Variants in RBM33 observed in about 807,000 individuals in gnomAD.
RBM33 encodes the protein RNA-binding protein 33.
In RBM33, 28 loss-of-function variants were observed where a neutral mutation model predicts 132.6. The observed-to-expected ratio is 0.21, with a 90% CI of 0.16 to 0.29. RBM33 has a LOEUF of 0.29. RBM33 is among the 10% of genes least tolerant of loss of function. The probability of loss-of-function intolerance (pLI) is 1.00; values close to 1 mark genes in which losing one functional copy is unlikely to be tolerated. For missense variants in RBM33, 1,291 were observed against 1,518.5 expected, an observed-to-expected ratio of 0.85 and a Z score of 2.49; for synonymous variants, 634 against 593.0, an observed-to-expected ratio of 1.07 and a Z score of -1.01.
At chr7:155,686,485 T>C (rs989399356) in intron 5 of RBM33, among the ~76,000 whole-genome samples, 5 of 152,124 alleles carry the variant, frequency 3.3e-5, no homozygotes, top group Non-Finnish European at 5.9e-5. Flanking sequence ...TTTTCTTTTT[T>C]TTTTTAAATT....
chr7:155,710,332 A>G (rs753926448), intron 7 of RBM33, among the ~76,000 whole-genome samples: 7 of 152,152 alleles, frequency 4.6e-5, no homozygotes, highest in Non-Finnish European at 1.0e-4. Flanking sequence ...TTGTAAAAGG[A>G]GGTCAGTAAA....
At chr7:155,750,588 G>A (rs564760626) in intron 14 of RBM33, among the ~76,000 whole-genome samples, 1 of 152,268 alleles carries the variant, frequency 6.6e-6, no homozygotes, top group East Asian at 1.9e-4. Flanking sequence ...TTCCTCATCA[G>A]TACAATGAGA....
At chr7:155,740,966 T>C (rs1801312539) in intron 12 of RBM33, among the ~76,000 whole-genome samples, 1 of 152,218 alleles carries the variant, frequency 6.6e-6, no homozygotes, top group Non-Finnish European at 1.5e-5. Flanking sequence ...TTTGGTATTG[T>C]CTTCTTTTCA....
intron 14 of RBM33, among the ~76,000 whole-genome samples, chr7:155,759,536 G>C (rs1724352685): frequency 6.7e-6 from 1 of 150,178 alleles, no homozygotes; most frequent in Non-Finnish European, 1.5e-5. Context: ...TCCTGCCTCA[G>C]CCTCCTGAGT....
chr7:155,744,632 T>C (rs1347758275), intron 13 of RBM33, among the ~76,000 whole-genome samples: 1 of 152,262 alleles, frequency 6.6e-6, no homozygotes, highest in African/African-American at 2.4e-5. Flanking sequence ...ACAGCAGGCC[T>C]CCCTACTGCT....
At chr7:155,652,494 G>T (rs1038814152) in intron 1 of RBM33, among the ~76,000 whole-genome samples, 1 of 152,204 alleles carries the variant, frequency 6.6e-6, no homozygotes, top group South Asian at 2.1e-4. Flanking sequence ...CAAGCTAATA[G>T]TCTATGTGGT....
At chr7:155,698,239 C>T (rs145920595) in intron 5 of RBM33, among the ~76,000 whole-genome samples, 95 of 152,106 alleles carry the variant, frequency 6.2e-4, no homozygotes, top group African/African-American at 2.1e-3. Flanking sequence ...TGGTGGTGGA[C>T]GCCTGTGATC....
In RBM33 at chr7:155,690,696, G is replaced by A. The variant is rs184445241; in HGVS notation, c.567+9788G>A. 4.3e-4 allele frequency among the ~76,000 whole-genome samples: 66 copies of A among 152,268 alleles called. 2 individuals carry two copies. In the Middle Eastern group the frequency reaches 0.041, roughly 94 times the overall value. The stretch of plus-strand genomic sequence containing the variant: ...AAAATCTCTGAGCATTTGCTTGTCT[G>A]TAAAGAATTTTATTTCTCCTTCACT... On this transcript the variant is annotated intron_variant, in intron 5 of 17. Transcript: ENST00000401878.
intron 16 of RBM33, among the ~76,000 whole-genome samples, chr7:155,773,568 CAAAAAAAAAAAAAAAAAAAA>C (rs201127157): frequency 2.0e-5 from 1 of 50,458 alleles, no homozygotes; most frequent in Non-Finnish European, 3.5e-5. Flanking sequence ...ACTCCATCTC[CAAAAAAAAAAAAAAAAAAAA>C]AAAAAAAGGA....
At chr7:155,694,515 A>G (rs1799738311) in intron 5 of RBM33, among the ~76,000 whole-genome samples, 1 of 152,238 alleles carries the variant, frequency 6.6e-6, no homozygotes, top group Non-Finnish European at 1.5e-5. Flanking sequence ...AAGTTTTGAT[A>G]CATGTATACA....
chr7:155,759,415 C>CTTTTTTTTT (rs58449648), intron 14 of RBM33, among the ~76,000 whole-genome samples: 78 of 113,986 alleles, frequency 6.8e-4, no homozygotes, highest in Non-Finnish European at 8.8e-4. Context: ...TGTTTATGTT[C>CTTTTTTTTT]TTTTTTTTTT....
intron 3 of RBM33, among the ~76,000 whole-genome samples, chr7:155,673,949 T>TTTTTTTTTTTG (rs1799097653): frequency 9.4e-6 from 1 of 106,512 alleles, no homozygotes; most frequent in Non-Finnish European, 2.0e-5. Context: ...AGTTTTTTTT[T>TTTTTTTTTTTG]TTTTTTTTTT....
At chr7:155,671,707 G>A (rs879727484) in intron 2 of RBM33, among the ~76,000 whole-genome samples, 18 of 152,098 alleles carry the variant, frequency 1.2e-4, no homozygotes, top group Admixed American at 1.2e-3. Flanking sequence ...TAACAATATC[G>A]ATGCAGTTAA....
intron 3 of RBM33, among the ~76,000 whole-genome samples, chr7:155,673,760 G>A (rs562494730): frequency 4.2e-4 from 13 of 30,898 alleles, no homozygotes; most frequent in South Asian, 3.7e-3. Context: ...ATATACGCGC[G>A]CATGCGCGCA....
chr7:155,780,137 C>T lies in RBM33; in HGVS notation c.*5096C>T, dbSNP rs1262759155. On this transcript the variant is annotated 3_prime_UTR_variant, in exon 18 of 18. Coordinates refer to ENST00000401878, the MANE Select transcript of RBM33 (RefSeq NM_053043.3). ...TAAACTGCTTTTCATTTTAAGGGCA[C>T]CCGTGGCGGAAGCTGGTTTTGCAAG... 6.6e-6 allele frequency: 1 copy of T among 152,142 alleles called. No homozygotes were observed. The highest frequency in any genetic ancestry group is 1.5e-5 in the Non-Finnish European group (1 of 68,030). 9.4% of individuals were successfully genotyped at this position (152,142 alleles called of 1,614,324 possible).
chr7:155,704,558 A>G (rs950084329), intron 6 of RBM33, among the ~76,000 whole-genome samples: 1 of 152,192 alleles, frequency 6.6e-6, no homozygotes, highest in Admixed American at 6.5e-5. Flanking sequence ...CCAGTCCTGC[A>G]AGTTGAGAGC....
At chr7:155,712,961 T>C (rs1800350259) in intron 8 of RBM33, among the ~76,000 whole-genome samples, 1 of 152,158 alleles carries the variant, frequency 6.6e-6, no homozygotes, top group Non-Finnish European at 1.5e-5. Context: ...GGGTGGAAGC[T>C]GGTGTCTAGC....
At position 155,711,139 on chromosome 7, in the gene RBM33, G is replaced by A. The variant is rs1460496853; in HGVS notation, c.949-64G>A. On this transcript the variant is annotated intron_variant, in intron 7 of 17. Coordinates refer to ENST00000401878, the MANE Select transcript of RBM33 (RefSeq NM_053043.3). ...CAGCATTCTTTTAAATGTTGATTTC[G>A]GTGAACTTTTGTTTTTTTTTTTGTG... is the stretch of plus-strand genomic sequence containing the variant. 3.5e-6 allele frequency: 5 copies of A among 1,435,630 alleles called. No homozygotes were observed. In the South Asian group the frequency reaches 4.6e-5, roughly 13 times the overall value. 88.9% of individuals were successfully genotyped at this position (1,435,630 alleles called of 1,614,324 possible).
intron 13 of RBM33, 102 bp downstream of exon 13, chr7:155,742,208 TC>T (rs1801366279): frequency 8.6e-7 from 1 of 1,160,116 alleles, no homozygotes; most frequent in Non-Finnish European, 1.2e-6. Context: ...CACAAAATCT[TC>T]CCACTTTTTT....
Sources: allele counts gnomAD v4.1 joint callset (sites outside exome capture counted in the v4.1 genomes callset), GRCh38; gene constraint gnomAD v4.1.1; transcripts MANE v1.5; gene names NCBI Gene and HGNC (gene_info 2026-07-23, HGNC 2026-07-21).